Variants in PDE10A observed in about 807,000 individuals in gnomAD.
PDE10A encodes phosphodiesterase 10A.
PDE10A carries 39 observed loss-of-function variants against 97.7 expected under a neutral mutation model. That is an observed-to-expected ratio of 0.40 (90% CI 0.31 to 0.52). The LOEUF (loss-of-function observed/expected upper bound fraction) is 0.52, where lower values mean the gene tolerates loss of function less well. PDE10A is among the 20% of genes least tolerant of loss of function. PDE10A has a pLI of 0.56. For synonymous variants in PDE10A, 371 were observed against 376.8 expected (o/e 0.98, Z 0.18); for missense variants, 731 against 1,047.8 (o/e 0.70, Z 4.17).
chr6:165,684,096 T>G (rs1242399052), intron 1 of PDE10A, among the ~76,000 whole-genome samples: 1 of 152,120 alleles, frequency 6.6e-6, no homozygotes, highest in Non-Finnish European at 1.5e-5. Flanking sequence ...ACCACACTAT[T>G]TAAAAGTACA....
Position 165,468,353 on chromosome 6 carries a change from G to T in PDE10A, c.1023+13962C>A, listed in dbSNP as rs934417441. Among the ~76,000 whole-genome samples, 8 of 151,996 alleles carry T rather than the reference G, an allele frequency of 5.3e-5. No individual in the cohort carries two copies. The South Asian group carries it at 1.0e-3, about 20-fold the overall frequency. ...TCCGCCCGCCTCAGCCTCCAAAAGC[G>T]CTGGGATTACAGGCGTGAGCCACTG... On this transcript the variant is annotated intron_variant, in intron 3 of 21. Coordinates refer to ENST00000539869, the MANE Select transcript of PDE10A (RefSeq NM_001385079.1).
Position 165,649,811 on chromosome 6 carries a change from G to C in PDE10A, c.865+12136C>G, listed in dbSNP as rs1178596588. Among the ~76,000 whole-genome samples the C allele has an allele frequency of 7.2e-5, 11 of 152,178 alleles. No homozygotes were observed. The South Asian group carries it at 2.3e-3, about 32-fold the overall frequency. ...CTAAAGCTCATGTTTCTACAACAAG[G>C]CATCTGGTTTCTTTCTAAAAAGTAG... On this transcript the variant is annotated intron_variant, in intron 1 of 21. Transcript: ENST00000539869.
intron 1 of PDE10A, among the ~76,000 whole-genome samples, chr6:165,861,528 G>A (rs1242943739): frequency 2.6e-5 from 4 of 151,910 alleles, no homozygotes; most frequent in Non-Finnish European, 5.9e-5. Flanking sequence ...GGTCTCCTAG[G>A]GCAGGCTGCA....
At position 165,488,023 on chromosome 6, in the gene PDE10A, A is replaced by C. The variant is rs538789907; in HGVS notation, c.995-5680T>G. Among the ~76,000 whole-genome samples, 663 of 133,728 alleles carry C rather than the reference A, an allele frequency of 5.0e-3. 1 individual carries two copies. The highest frequency in any genetic ancestry group is 0.011 in the Middle Eastern group (3 of 282). 87.7% of individuals were successfully genotyped at this position (133,728 alleles called of 152,430 possible). A position where few individuals can be genotyped will look rare whatever the true frequency, so the allele number is the denominator to read the frequency against. ...AATTTTGAGGCACTGATGAGGAACA[A>C]ATTGGCAAAAAAAAAAAAAAAAAAA... is the stretch of plus-strand genomic sequence containing the variant. On this transcript the variant is annotated intron_variant, in intron 2 of 21. Coordinates refer to ENST00000539869, the MANE Select transcript of PDE10A (RefSeq NM_001385079.1).
chr6:165,437,321 T>C (rs1012720304), intron 5 of PDE10A, among the ~76,000 whole-genome samples: 1 of 152,172 alleles, frequency 6.6e-6, no homozygotes, highest in Admixed American at 6.5e-5. Flanking sequence ...AATCCAATAA[T>C]AACAGACTAT....
chr6:165,706,096 G>A (rs1791702481), intron 1 of PDE10A, among the ~76,000 whole-genome samples: 1 of 152,230 alleles, frequency 6.6e-6, no homozygotes, highest in Non-Finnish European at 1.5e-5. Flanking sequence ...CAGAGGGAGT[G>A]CTGACATGGG....
chr6:165,429,094 CTCA>C (rs1205439899), intron 9 of PDE10A, among the ~76,000 whole-genome samples: 5 of 151,980 alleles, frequency 3.3e-5, no homozygotes, highest in South Asian at 2.1e-4. Context: ...TGTGCTAAAT[CTCA>C]TCAATAGTTA....
chr6:165,805,275 C>T (rs369320937), intron 1 of PDE10A, among the ~76,000 whole-genome samples: 4 of 152,074 alleles, frequency 2.6e-5, no homozygotes, highest in South Asian at 4.1e-4. Flanking sequence ...CGAGGGACGC[C>T]GGAAGGAACG....
At chr6:165,708,372 C>T (rs1267154094) in intron 1 of PDE10A, among the ~76,000 whole-genome samples, 1 of 152,078 alleles carries the variant, frequency 6.6e-6, no homozygotes, top group African/African-American at 2.4e-5. Context: ...CCAAGGTGAT[C>T]TCCTCCAGGA....
upstream of PDE10A, among the ~76,000 whole-genome samples, chr6:165,664,980 G>T (rs1002553900): frequency 5.9e-5 from 9 of 152,200 alleles, no homozygotes; most frequent in African/African-American, 1.9e-4. Flanking sequence ...TGTCCTGGGA[G>T]CCCTTATTAA....
chr6:165,687,996 G>A (rs548769343), intron 1 of PDE10A, among the ~76,000 whole-genome samples: 144 of 152,300 alleles, frequency 9.5e-4, no homozygotes, highest in African/African-American at 3.4e-3. Context: ...TGACTCCACG[G>A]CTCACGCCCA....
chr6:165,983,335 C>T (rs1473452000), intron 1 of PDE10A, among the ~76,000 whole-genome samples: 1 of 152,082 alleles, frequency 6.6e-6, no homozygotes, highest in Non-Finnish European at 1.5e-5. Context: ...GCACAATAGC[C>T]AGGAAGTATC....
chr6:165,985,522 A>G (rs1041319721), intron 1 of PDE10A, among the ~76,000 whole-genome samples: 3 of 151,978 alleles, frequency 2.0e-5, no homozygotes, highest in Admixed American at 6.5e-5. Flanking sequence ...CTCACCTCCA[A>G]CTTCAGGAGG....
rs1346574318 is a variant in PDE10A, at chr6:165,943,227, GAA to G, written c.-615+44300_-615+44301del. Among the ~76,000 whole-genome samples, 27 of 55,962 alleles carry G rather than the reference GAA, an allele frequency of 4.8e-4. 3 individuals are homozygous for G. The highest frequency in any genetic ancestry group is 1.9e-3 in the African/African-American group (25 of 13,468). 36.7% of individuals were successfully genotyped at this position (55,962 alleles called of 152,430 possible). A position where few individuals can be genotyped will look rare whatever the true frequency, so the allele number is the denominator to read the frequency against. On this transcript the variant is annotated intron_variant, in intron 1 of 19. Coordinates refer to the PDE10A transcript ENST00000366882. ...AGAAAGAAAGAAAGAAAGAAAGAAA[GAA>G]AGAAAGAAGGAAGGAAGGAAGGAAG...
intron 1 of PDE10A, among the ~76,000 whole-genome samples, chr6:165,770,441 T>C (rs994412528): frequency 5.3e-5 from 8 of 152,162 alleles, no homozygotes; most frequent in Admixed American, 2.6e-4. Context: ...AAATAAAACA[T>C]TTCTCTTTAG....
At chr6:165,396,673 T>C (rs191401182) in intron 13 of PDE10A, among the ~76,000 whole-genome samples, 7 of 152,350 alleles carry the variant, frequency 4.6e-5, no homozygotes, top group Admixed American at 4.6e-4. Context: ...GTATCTCTGC[T>C]TTACAAATTT....
chr6:165,648,280 G>A (rs1207897433), intron 1 of PDE10A, among the ~76,000 whole-genome samples: 2 of 152,060 alleles, frequency 1.3e-5, no homozygotes, highest in Admixed American at 6.5e-5. Flanking sequence ...CCAAAGTGCT[G>A]GGATTACAGG....
At chr6:165,828,732 C>T (rs1248524732) in intron 1 of PDE10A, among the ~76,000 whole-genome samples, 1 of 152,174 alleles carries the variant, frequency 6.6e-6, no homozygotes, top group African/African-American at 2.4e-5. Context: ...CCGTCACCAG[C>T]ATCCCAAGGG....
chr6:165,968,776 T>C (rs1583369596), intron 1 of PDE10A, among the ~76,000 whole-genome samples: 1 of 152,232 alleles, frequency 6.6e-6, no homozygotes, highest in Non-Finnish European at 1.5e-5. Context: ...CTCTAACATC[T>C]ACTCTTGATT....
Sources: gnomAD v4.1 joint callset for allele counts (sites outside exome capture counted in the v4.1 genomes callset) on GRCh38, gnomAD v4.1.1 for gene constraint, MANE v1.5 for transcripts, NCBI Gene and HGNC (gene_info 2026-07-23, HGNC 2026-07-21) for gene names.